The following TMF1 variants were observed in gnomAD, a reference collection of about 807,000 sequenced individuals.
The protein encoded by TMF1 is TATA element modulatory factor.
Under a neutral mutation model 126.5 loss-of-function variants are expected in TMF1, and 71 were observed. That is an observed-to-expected ratio of 0.56 (90% CI 0.46 to 0.68). The LOEUF (loss-of-function observed/expected upper bound fraction) is 0.68, where lower values mean the gene tolerates loss of function less well. Ranked by LOEUF, TMF1 falls within the 30% of genes least tolerant of loss-of-function variation. The pLI is 0.00. For synonymous variants in TMF1, 461 were observed against 430.5 expected (o/e 1.07, Z -0.88); for missense variants, 1,259 against 1,253.2 (o/e 1.00, Z -0.07).
At chr3:69,045,077 A>T (rs2091888065) in intron 2 of TMF1, among the ~76,000 whole-genome samples, 1 of 152,232 alleles carries the variant, frequency 6.6e-6, no homozygotes, top group East Asian at 1.9e-4. Flanking sequence ...TATTTTAGCT[A>T]GGTGGTGGAT....
chr3:69,025,522 T>G, intron 15 of TMF1, 38 bp downstream of exon 15: 1 of 1,575,042 alleles, frequency 6.3e-7, no homozygotes, highest in Non-Finnish European at 8.6e-7. Context: ...GCCTCAAAAC[T>G]TCATTTACTT....
chr3:69,023,060 A>G lies in TMF1; in HGVS notation c.*117T>C. 1 of 950,078 alleles carries G rather than the reference A, an allele frequency of 1.1e-6. No homozygotes were observed. The highest frequency in any genetic ancestry group is 3.4e-5 in the Admixed American group (1 of 29,430). 58.9% of individuals were successfully genotyped at this position (950,078 alleles called of 1,614,324 possible). On this transcript the variant is annotated 3_prime_UTR_variant, in exon 17 of 17. Transcript: ENST00000398559. ...GTAAAACAATTTTAAAAAAATTTTT[A>G]CACTCTACAGTAAATCCCACTTTCT...
chr3:69,023,427 G>C, intron 16 of TMF1, 107 bp from the exon 17 acceptor site: 1 of 867,918 alleles, frequency 1.2e-6, no homozygotes. Context: ...TTAAATAAAA[G>C]TATATACTCA....
At position 69,047,874 on chromosome 3, in the gene TMF1, T is replaced by C. The variant is rs1489118138; in HGVS notation, c.831A>G (p.Gln277=). The change falls in exon 2 of 17, where the codon CAA becomes CAG. Residue 277 remains glutamine (Q), a synonymous_variant. Coordinates refer to ENST00000398559, the MANE Select transcript of TMF1 (RefSeq NM_007114.3). Reference sequence around the variant, plus strand: ...GACTTGATTTTGAATCTGTAGTCTCTTGTCTCGAGCTCGCTGAGCTCTCAC... The same window carrying C: ...GACTTGATTTTGAATCTGTAGTCTCCTGTCTCGAGCTCGCTGAGCTCTCAC... ...VISESSASSR[Q]ETTDSKSSLH... 9 of 1,613,848 alleles carry C rather than the reference T, an allele frequency of 5.6e-6. No homozygotes were observed. Among genetic ancestry groups the C allele is most frequent in the East Asian group, 2.2e-5 (1 of 44,882 alleles).
intron 1 of TMF1, among the ~76,000 whole-genome samples, chr3:69,050,668 T>C (rs538264195): frequency 5.4e-4 from 82 of 152,198 alleles, no homozygotes; most frequent in Non-Finnish European, 6.0e-4. Flanking sequence ...AAAACAGAGT[T>C]ACTCCAGCAA....
In TMF1 at chr3:69,039,537, T is replaced by A. The variant is rs759184531; in HGVS notation, c.1827+14A>T. ...ATAACAATATATATGTAGAGAATTA[T>A]GATTGCTATTCACCTGTTTCAAATG... On this transcript the variant is annotated intron_variant, in intron 6 of 16. Transcript: ENST00000398559. 6.2e-7 allele frequency: 1 copy of A among 1,606,756 alleles called. No homozygotes were observed. The highest frequency in any genetic ancestry group is 1.1e-5 in the South Asian group (1 of 89,314).
At chr3:69,034,891 C>G in intron 9 of TMF1, 132 bp downstream of exon 9, 1 of 786,424 alleles carries the variant, frequency 1.3e-6, no homozygotes, top group Non-Finnish European at 2.1e-6. Context: ...ACACAAGCCA[C>G]AAAAATTCAG....
At chr3:69,051,053 T>G (rs1368392235) in intron 1 of TMF1, among the ~76,000 whole-genome samples, 1 of 152,154 alleles carries the variant, frequency 6.6e-6, no homozygotes, top group Non-Finnish European at 1.5e-5. Flanking sequence ...GGCTAATACC[T>G]CCGGCACATT....
chr3:69,028,542 A>G (rs997714447), intron 11 of TMF1, among the ~76,000 whole-genome samples: 1 of 152,236 alleles, frequency 6.6e-6, no homozygotes, highest in Non-Finnish European at 1.5e-5. Context: ...TTAAGATTTC[A>G]TTTAAAAAGA....
chr3:69,038,610 T>C lies in TMF1; in HGVS notation c.2105A>G (p.Lys702Arg). 1 of 1,614,174 alleles carries C rather than the reference T, an allele frequency of 6.2e-7. No homozygotes were observed. The highest frequency in any genetic ancestry group is 8.5e-7 in the Non-Finnish European group (1 of 1,180,020). The change falls in exon 8 of 17, where the codon AAG (lysine) becomes AGG (arginine). Residue 702 changes from lysine (K) to arginine (R), a missense_variant. Lys to Arg is a conservative substitution (Grantham distance 26, BLOSUM62 2). Coordinates refer to ENST00000398559, the MANE Select transcript of TMF1 (RefSeq NM_007114.3). ...CTGCTGACGGGCTTCTTCTTGGGCC[T>C]TCTCTAATGCTGCAGAAAGTTCTTC... ...AKEELSAALE[K>R]AQEEARQQQE...
rs2091901365 is a variant in TMF1 at position 69,047,419 on chromosome 3, T to G, written c.1286A>C (p.Glu429Ala). 6.2e-7 allele frequency: 1 copy of G among 1,613,904 alleles called. No individual in the cohort carries two copies. The highest frequency in any genetic ancestry group is 1.3e-5 in the African/African-American group (1 of 74,930). The change falls in exon 2 of 17, where the codon GAG (glutamate) becomes GCG (alanine). Residue 429 changes from glutamate (E) to alanine (A), a missense_variant. Physicochemically the swap from Glu to Ala is moderately radical, Grantham distance 107. Transcript: ENST00000398559. ...CTGACTTTCAGCAGGTTCACACTGC[T>G]CAGCCACCTTGTCTAACACAGTCTG... The part of the protein sequence containing the change: ...EGQTVLDKVA[E>A]QCEPAESQPE...
At chr3:69,039,234 C>T (rs531069187) in intron 6 of TMF1, among the ~76,000 whole-genome samples, 1 of 152,248 alleles carries the variant, frequency 6.6e-6, no homozygotes, top group Non-Finnish European at 1.5e-5. Context: ...TACAGATGTG[C>T]ACCACCACGC....
At chr3:69,023,491 A>C (rs1237218984) in intron 16 of TMF1, among the ~76,000 whole-genome samples, 171 bp from the exon 17 acceptor site, 3 of 152,112 alleles carry the variant, frequency 2.0e-5, no homozygotes, top group African/African-American at 7.2e-5. Flanking sequence ...AAATAGCAAA[A>C]AAAGGAATTA....
At chr3:69,034,153 T>G (rs546106346) in intron 9 of TMF1, among the ~76,000 whole-genome samples, 2 of 152,270 alleles carry the variant, frequency 1.3e-5, no homozygotes, top group East Asian at 3.9e-4. Context: ...CCAAGAGAGT[T>G]AGATTGTGTA....
At chr3:69,038,494 T>C (rs1037779380) in intron 8 of TMF1, 70 bp downstream of exon 8, 2 of 1,513,360 alleles carry the variant, frequency 1.3e-6, no homozygotes, top group African/African-American at 2.8e-5. Flanking sequence ...TCAAACCAGC[T>C]AATTGTTTAA....
chr3:69,032,120 T>C (rs2091806470), intron 10 of TMF1, among the ~76,000 whole-genome samples: 1 of 152,118 alleles, frequency 6.6e-6, no homozygotes. Flanking sequence ...TAAAAAAAGA[T>C]AGACAAAGGA....
intron 12 of TMF1, 108 bp from the exon 13 acceptor site, chr3:69,028,100 A>G: frequency 9.0e-7 from 1 of 1,116,760 alleles, no homozygotes; most frequent in Non-Finnish European, 1.3e-6. Context: ...TTGTTTTCCT[A>G]CTAAAGACCA....
chr3:69,039,369 T>C (rs1297200254), intron 6 of TMF1, among the ~76,000 whole-genome samples, 182 bp downstream of exon 6: 1 of 152,204 alleles, frequency 6.6e-6, no homozygotes, highest in Non-Finnish European at 1.5e-5. Flanking sequence ...CCGAAAGTGT[T>C]GGGATTACAG....
At chr3:69,027,768 G>A in intron 13 of TMF1, 132 bp downstream of exon 13, 1 of 511,774 alleles carries the variant, frequency 2.0e-6, no homozygotes, top group South Asian at 2.9e-5. Context: ...AAATCATCCT[G>A]GGCCACATGC....
Sources: gnomAD v4.1 joint callset for allele counts (sites outside exome capture counted in the v4.1 genomes callset) on GRCh38, gnomAD v4.1.1 for gene constraint, MANE v1.5 for transcripts, NCBI Gene and HGNC (gene_info 2026-07-23, HGNC 2026-07-21) for gene names.